GABRG1: variants seen among roughly 807,000 people sequenced by gnomAD.
The protein encoded by GABRG1 is gamma-aminobutyric acid type A receptor subunit gamma1.
In GABRG1, 49 loss-of-function variants were observed where a neutral mutation model predicts 49.8. The observed-to-expected ratio is 0.98, with a 90% CI of 0.78 to 1.25. GABRG1 has a LOEUF of 1.25. GABRG1 is among the 50% of genes most tolerant of loss of function. GABRG1 has a pLI of 0.00. For missense variants in GABRG1, 552 were observed against 552.3 expected (o/e 1.00, Z 0.01); for synonymous variants, 232 against 185.1 (o/e 1.25, Z -2.06).
chr4:46,058,026 A>G (rs1444908414), intron 7 of GABRG1, among the ~76,000 whole-genome samples, 191 bp downstream of exon 7: 2 of 152,118 alleles, frequency 1.3e-5, no homozygotes, highest in Non-Finnish European at 2.9e-5. Flanking sequence ...CAAGTTCTTT[A>G]CAATTCCATT....
chr4:46,043,634 C>G (rs1717870255), intron 8 of GABRG1, among the ~76,000 whole-genome samples: 1 of 151,766 alleles, frequency 6.6e-6, no homozygotes, highest in African/African-American at 2.4e-5. Context: ...AGAATAGACC[C>G]TGCCTTCCCC....
intron 1 of GABRG1, among the ~76,000 whole-genome samples, chr4:46,099,376 C>T (rs1016364490): frequency 6.6e-6 from 1 of 151,722 alleles, no homozygotes; most frequent in Non-Finnish European, 1.5e-5. Context: ...TCCATTACTT[C>T]ACTCTCAGAG....
chr4:46,108,828 G>A (rs564005476), intron 1 of GABRG1, among the ~76,000 whole-genome samples: 14 of 151,128 alleles, frequency 9.3e-5, no homozygotes, highest in African/African-American at 3.4e-4. Flanking sequence ...ATTAGTAAGT[G>A]GCAAAGGAAG....
At chr4:46,117,201 C>A (rs767058639) in intron 1 of GABRG1, among the ~76,000 whole-genome samples, 4 of 150,252 alleles carry the variant, frequency 2.7e-5, no homozygotes, top group Non-Finnish European at 6.0e-5. Flanking sequence ...CTTTCTGATC[C>A]TATATTCTAG....
chr4:46,116,442 A>G (rs1425579207), intron 1 of GABRG1, among the ~76,000 whole-genome samples: 2 of 150,806 alleles, frequency 1.3e-5, no homozygotes, highest in Non-Finnish European at 3.0e-5. Flanking sequence ...TGGGATATCT[A>G]TGCTTCAGAT....
At position 46,077,134 on chromosome 4, in the gene GABRG1, A is replaced by C. The variant is rs867756067; in HGVS notation, c.321+6852T>G. On this transcript the variant is annotated intron_variant, in intron 3 of 8. Transcript: ENST00000295452. ...ATGGACACAGGAAGGGGAACATCACACACTGGGGACTGTTGTGGGGTAGGG... is the reference window on the plus strand; with the variant it reads ...ATGGACACAGGAAGGGGAACATCACCCACTGGGGACTGTTGTGGGGTAGGG... Among the ~76,000 whole-genome samples, 26 of 133,504 alleles carry C rather than the reference A, an allele frequency of 1.9e-4. 1 individual carries two copies. The highest frequency in any genetic ancestry group is 6.3e-4 in the African/African-American group (23 of 36,358). 87.6% of individuals were successfully genotyped at this position (133,504 alleles called of 152,430 possible). A position where few individuals can be genotyped will look rare whatever the true frequency, so the allele number is the denominator to read the frequency against.
intron 1 of GABRG1, among the ~76,000 whole-genome samples, chr4:46,111,771 A>G (rs543362983): frequency 2.0e-5 from 3 of 151,292 alleles, no homozygotes; most frequent in East Asian, 3.9e-4. Flanking sequence ...ATGGTGCTGG[A>G]ATAGTTGGCT....
chr4:46,050,903 A>C (rs1418535531), intron 8 of GABRG1, among the ~76,000 whole-genome samples: 1 of 151,932 alleles, frequency 6.6e-6, no homozygotes, highest in Admixed American at 6.6e-5. Flanking sequence ...ATACATGAGT[A>C]TATTAGATTC....
At chr4:46,083,201 T>C (rs1719637350) in intron 3 of GABRG1, among the ~76,000 whole-genome samples, 1 of 151,596 alleles carries the variant, frequency 6.6e-6, no homozygotes, top group Non-Finnish European at 1.5e-5. Flanking sequence ...AAAAATTACC[T>C]ATTTTGAAAA....
At chr4:46,051,226 ATCC>A (rs1479632622) in intron 8 of GABRG1, among the ~76,000 whole-genome samples, 195 bp downstream of exon 8, 1 of 151,810 alleles carries the variant, frequency 6.6e-6, no homozygotes, top group Non-Finnish European at 1.5e-5. Flanking sequence ...TACACAGGGG[ATCC>A]AATGGGAGAC....
chr4:46,115,600 A>G (rs1720859589), intron 1 of GABRG1, among the ~76,000 whole-genome samples: 1 of 150,854 alleles, frequency 6.6e-6, no homozygotes, highest in African/African-American at 2.4e-5. Context: ...ATTATACATC[A>G]ATGATTTTAT....
chr4:46,064,349 A>G (rs976006973), intron 5 of GABRG1, 92 bp downstream of exon 5: 15 of 682,350 alleles, frequency 2.2e-5, no homozygotes, highest in Non-Finnish European at 3.2e-5. Flanking sequence ...CACACTTTTG[A>G]AAATCCTATT....
At chr4:46,101,006 T>G (rs1380365424) in intron 1 of GABRG1, among the ~76,000 whole-genome samples, 1 of 151,628 alleles carries the variant, frequency 6.6e-6, no homozygotes, top group Non-Finnish European at 1.5e-5. Flanking sequence ...GATTAAAAAG[T>G]ACTTCATAAT....
At chr4:46,106,777 A>C (rs1438841169) in intron 1 of GABRG1, among the ~76,000 whole-genome samples, 2 of 70,804 alleles carry the variant, frequency 2.8e-5, no homozygotes, top group Admixed American at 3.9e-4. Flanking sequence ...AAACATGTGG[A>C]GGTTACTGTA....
At chr4:46,101,619 A>G (rs1428256275) in intron 1 of GABRG1, among the ~76,000 whole-genome samples, 2 of 151,720 alleles carry the variant, frequency 1.3e-5, no homozygotes, top group Non-Finnish European at 2.9e-5. Flanking sequence ...TATAATCTTG[A>G]TCTAGATGGT....
chr4:46,109,224 A>C (rs1720648437), intron 1 of GABRG1, among the ~76,000 whole-genome samples: 2 of 150,608 alleles, frequency 1.3e-5, no homozygotes, highest in Admixed American at 1.3e-4. Context: ...TCAGGATTTT[A>C]ATTTCTTACT....
intron 3 of GABRG1, among the ~76,000 whole-genome samples, chr4:46,071,082 C>T (rs1016857285): frequency 2.0e-5 from 3 of 151,950 alleles, no homozygotes; most frequent in Non-Finnish European, 4.4e-5. Flanking sequence ...ATTCTAACGT[C>T]CTAGCACAAC....
intron 2 of GABRG1, among the ~76,000 whole-genome samples, chr4:46,085,040 G>A (rs1354347206): frequency 6.6e-6 from 1 of 151,440 alleles, no homozygotes; most frequent in East Asian, 1.9e-4. Context: ...CCACTTATAA[G>A]TAGTTATAAC....
intron 5 of GABRG1, among the ~76,000 whole-genome samples, chr4:46,061,173 GA>G (rs1463181036): frequency 6.6e-6 from 1 of 152,118 alleles, no homozygotes; most frequent in Non-Finnish European, 1.5e-5. Flanking sequence ...TATTGCATAT[GA>G]ACTTTTCCTT....
Sources: allele counts gnomAD v4.1 joint callset (sites outside exome capture counted in the v4.1 genomes callset), GRCh38; gene constraint gnomAD v4.1.1; transcripts MANE v1.5; gene names NCBI Gene and HGNC (gene_info 2026-07-23, HGNC 2026-07-21).